TEX15: variants seen among roughly 807,000 people sequenced by gnomAD.
TEX15 encodes the protein testis expressed 15, meiosis and synapsis associated, also known as testis-expressed protein 15.
In TEX15, 171 loss-of-function variants were observed where a neutral mutation model predicts 237.3. That is an observed-to-expected ratio of 0.72 (90% CI 0.64 to 0.82). The LOEUF (loss-of-function observed/expected upper bound fraction) is 0.82. TEX15 is among the 40% of genes least tolerant of loss of function. The probability of loss-of-function intolerance (pLI) is 0.00; values close to 1 mark genes in which losing one functional copy is unlikely to be tolerated. For synonymous variants in TEX15, 1,338 were observed against 1,269.8 expected (o/e 1.05, Z -1.14); for missense variants, 3,750 against 3,646.5 (o/e 1.03, Z -0.73).
At position 30,887,147 on chromosome 8, in the gene TEX15, C is replaced by A. The variant is rs895164730; in HGVS notation, c.136+20G>T. 29 of 1,516,052 alleles carry A rather than the reference C, an allele frequency of 1.9e-5. No homozygotes were observed. In the African/African-American group the frequency reaches 3.9e-4, roughly 20 times the overall value. 93.9% of individuals were successfully genotyped at this position (1,516,052 alleles called of 1,614,324 possible). ...TACAGTAATAGTTACTAAAAAAATT[C>A]CCAACCACAGAAATATTACCTTTCT... On this transcript the variant is annotated intron_variant, in intron 3 of 10. Transcript: ENST00000643185.
intron 7 of TEX15, among the ~76,000 whole-genome samples, chr8:30,852,523 T>C (rs1807812076): frequency 6.6e-6 from 1 of 152,194 alleles, no homozygotes; most frequent in African/African-American, 2.4e-5. Flanking sequence ...TCTTTAAACT[T>C]GATAATGGCA....
In TEX15 at chr8:30,848,354, G is replaced by C. The variant is rs766971753; in HGVS notation, c.1813C>G (p.Leu605Val). The change falls in exon 8 of 11, where the codon CTC (leucine) becomes GTC (valine). Residue 605 changes from leucine to valine, a missense_variant. Leu to Val is a conservative substitution (Grantham distance 32, BLOSUM62 1). Transcript: ENST00000643185. Reference protein sequence around the residue: ...TGCQTSTVFPLKKKVSIDEYL... With the variant: ...TGCQTSTVFPVKKKVSIDEYL... ...TCATCAATGCTTACTTTCTTTTTGA[G>C]TGGAAAAACTGTAGACGTTTGGCAA... The C allele has an allele frequency of 6.2e-7, 1 of 1,614,012 alleles. No individual in the cohort carries two copies.
chr8:30,875,437 T>C (rs1455333641), intron 3 of TEX15, among the ~76,000 whole-genome samples: 4 of 152,228 alleles, frequency 2.6e-5, no homozygotes, highest in African/African-American at 9.6e-5. Context: ...CAGCTACTGT[T>C]AGTGCATGAG....
intron 7 of TEX15, among the ~76,000 whole-genome samples, chr8:30,853,903 A>C (rs1807842642): frequency 6.6e-6 from 1 of 152,184 alleles, no homozygotes; most frequent in African/African-American, 2.4e-5. Flanking sequence ...TCTGAAAAAA[A>C]CCAATGAATT....
chr8:30,846,883 G>A lies in TEX15; in HGVS notation c.3284C>T (p.Ala1095Val). 1 of 1,613,834 alleles carries A rather than the reference G, an allele frequency of 6.2e-7. No individual in the cohort carries two copies. The highest frequency in any genetic ancestry group is 1.7e-5 in the Admixed American group (1 of 59,998). ...TTCCCAACTGATACGAGACTTCAGA[G>A]CCTTATATGAGGTCACAAATTCTTC... ...LCEEFVTSYK[A>V]LKSRISWEGL... Residue 1095 changes from alanine to valine, a missense_variant, in exon 8 of 11, where the codon GCT (alanine) becomes GTT (valine). Ala to Val is a moderately conservative substitution (Grantham distance 64). Transcript: ENST00000643185.
chr8:30,874,436 A>G (rs1056607194), intron 4 of TEX15, among the ~76,000 whole-genome samples: 6 of 152,196 alleles, frequency 3.9e-5, no homozygotes, highest in Admixed American at 1.3e-4. Context: ...TATGCCTTCC[A>G]AAAAACCTGG....
intron 7 of TEX15, among the ~76,000 whole-genome samples, chr8:30,850,913 C>G (rs1179962818): frequency 6.6e-6 from 1 of 151,892 alleles, no homozygotes; most frequent in Non-Finnish European, 1.5e-5. Flanking sequence ...GATGCCCCAA[C>G]CCCACTAAAT....
At chr8:30,855,855 C>A (rs1231008915) in intron 7 of TEX15, among the ~76,000 whole-genome samples, 2 of 152,152 alleles carry the variant, frequency 1.3e-5, no homozygotes, top group Non-Finnish European at 2.9e-5. Context: ...TATGATTTTA[C>A]TTAAATGAAA....
At chr8:30,893,978 A>C (rs1808845190) in intron 2 of TEX15, among the ~76,000 whole-genome samples, 1 of 152,112 alleles carries the variant, frequency 6.6e-6, no homozygotes, top group Admixed American at 6.6e-5. Context: ...TTCATATCTA[A>C]AAATCATATC....
At position 30,849,331 on chromosome 8, in the gene TEX15, A is replaced by G. The variant is rs1322310851; in HGVS notation, c.851-15T>C. 4.1e-6 allele frequency: 6 copies of G among 1,459,106 alleles called. No individual in the cohort carries two copies. In the African/African-American group the frequency reaches 8.6e-5, roughly 21 times the overall value. 90.4% of individuals were successfully genotyped at this position (1,459,106 alleles called of 1,614,324 possible). A position where few individuals can be genotyped will look rare whatever the true frequency, so the allele number is the denominator to read the frequency against. On this transcript the variant is annotated splice_polypyrimidine_tract_variant and intron_variant, in intron 7 of 10. Transcript: ENST00000643185. ...GCATGTCCTTTCTGTGGAAATAATA[A>G]GGAAGACAAATTTGAAAAAAAGTGT... is the stretch of plus-strand genomic sequence containing the variant.
At chr8:30,858,590 G>T in intron 7 of TEX15, 78 bp downstream of exon 7, 1 of 1,259,072 alleles carries the variant, frequency 7.9e-7, no homozygotes, top group Non-Finnish European at 1.1e-6. Context: ...GAACCATTGT[G>T]TCCAGCCAGT....
intron 8 of TEX15, 118 bp from the exon 9 acceptor site, chr8:30,840,082 A>G: frequency 1.9e-6 from 1 of 535,506 alleles, no homozygotes; most frequent in Admixed American, 3.9e-5. Flanking sequence ...CTAAAGTTAA[A>G]CTAATTAATT....
At chr8:30,898,330 A>G (rs752184507) in intron 2 of TEX15, among the ~76,000 whole-genome samples, 1 of 152,176 alleles carries the variant, frequency 6.6e-6, no homozygotes, top group Non-Finnish European at 1.5e-5. Flanking sequence ...TGGGATTAGC[A>G]TACTTATTAA....
intron 2 of TEX15, among the ~76,000 whole-genome samples, chr8:30,894,328 TA>T (rs573078658): frequency 1.3e-5 from 2 of 152,006 alleles, no homozygotes; most frequent in African/African-American, 2.4e-5. Flanking sequence ...ATTCTGTCTC[TA>T]AAAAAAATCC....
At chr8:30,858,323 T>G (rs1264191390) in intron 7 of TEX15, among the ~76,000 whole-genome samples, 2 of 151,952 alleles carry the variant, frequency 1.3e-5, no homozygotes, top group Admixed American at 6.6e-5. Flanking sequence ...CTTTTTTTTT[T>G]TTTGTTTGTG....
intron 7 of TEX15, among the ~76,000 whole-genome samples, chr8:30,854,405 C>CT (rs1585290538): frequency 6.6e-6 from 1 of 151,786 alleles, no homozygotes; most frequent in East Asian, 1.9e-4. Context: ...AAATGAACAA[C>CT]TTCCAATAAA....
At chr8:30,852,306 C>T (rs762396036) in intron 7 of TEX15, among the ~76,000 whole-genome samples, 6 of 151,564 alleles carry the variant, frequency 4.0e-5, no homozygotes, top group Non-Finnish European at 7.4e-5. Flanking sequence ...AGGGTTTCAC[C>T]GTGGTCTCGA....
chr8:30,874,857 T>TG (rs1808369025), intron 4 of TEX15, 80 bp downstream of exon 4: 1 of 822,532 alleles, frequency 1.2e-6, no homozygotes, highest in African/African-American at 1.8e-5. Context: ...AAATCTCATA[T>TG]GGTAGAAATG....
Position 30,837,990 on chromosome 8 carries a change from T to C in TEX15, c.8294A>G (p.His2765Arg). ...PSSCDSLKRN[H>R]LTPKKVEMQR... is the part of the protein sequence containing the mutation. ...CATTTCAACCTTTTTTGGCGTTAAA[T>C]GATTTCTTTTCAGACTGTCACATGA... Residue 2765 changes from histidine (H) to arginine (R), a missense_variant, in exon 10 of 11, where the codon CAT (histidine) becomes CGT (arginine). By Grantham distance (29) the His-to-Arg change is conservative. Transcript: ENST00000643185. 6.2e-7 allele frequency: 1 copy of C among 1,614,136 alleles called. No homozygotes were observed. Among genetic ancestry groups the C allele is most frequent in the Non-Finnish European group, 8.5e-7 (1 of 1,180,008 alleles).
Sources: allele counts gnomAD v4.1 joint callset (sites outside exome capture counted in the v4.1 genomes callset), GRCh38; gene constraint gnomAD v4.1.1; transcripts MANE v1.5; gene names NCBI Gene and HGNC (gene_info 2026-07-23, HGNC 2026-07-21).